The following RBFOX3 variants were observed in gnomAD, a reference collection of about 807,000 sequenced individuals.
The protein encoded by RBFOX3 is RNA binding protein fox-1 homolog 3.
A neutral mutation model predicts 48.7 loss-of-function variants in RBFOX3; 17 were observed. The ratio of observed to expected loss-of-function variants is 0.35; its 90% CI spans 0.24 to 0.52. RBFOX3 has a LOEUF of 0.52. Ranked by LOEUF, RBFOX3 falls within the 20% of genes least tolerant of loss-of-function variation. RBFOX3 has a pLI of 0.94. For missense variants in RBFOX3, 382 were observed against 497.5 expected, an observed-to-expected ratio of 0.77 and a Z score of 2.21; for synonymous variants, 212 against 209.5, an observed-to-expected ratio of 1.01 and a Z score of -0.10.
At chr17:79,437,407 G>C (rs1017698059) in intron 2 of RBFOX3, among the ~76,000 whole-genome samples, 1 of 152,236 alleles carries the variant, frequency 6.6e-6, no homozygotes, top group Non-Finnish European at 1.5e-5. Flanking sequence ...GCCCAGGGAG[G>C]TGCGGGAAAG....
chr17:79,241,319 C>T (rs964168470), intron 3 of RBFOX3, among the ~76,000 whole-genome samples: 13 of 152,020 alleles, frequency 8.6e-5, no homozygotes, highest in African/African-American at 2.4e-4. Flanking sequence ...CGGCCTGTTT[C>T]GCTTTAAGTT....
At position 79,220,874 on chromosome 17, in the gene RBFOX3, G is replaced by T. The variant is rs2059641313; in HGVS notation, c.-34+14892C>A. Among the ~76,000 whole-genome samples, 1 of 152,060 alleles carries T rather than the reference G, an allele frequency of 6.6e-6. No individual in the cohort carries two copies. The highest frequency in any genetic ancestry group is 2.1e-4 in the South Asian group (1 of 4,818). On this transcript the variant is annotated intron_variant, in intron 4 of 14. Coordinates refer to ENST00000693108, the MANE Select transcript of RBFOX3 (RefSeq NM_001350451.2). This position sits in a 1 kb window ranked among gnomAD's most constrained non-coding sequence, Gnocchi z 5.9. The stretch of plus-strand genomic sequence containing the variant: ...TGGAGCGTGGGCCAATCAGAGACGA[G>T]GCGCAGAAGTTGAATGTGCATTGGG...
chr17:79,209,716 G>A (rs1370407192), intron 4 of RBFOX3, among the ~76,000 whole-genome samples: 2 of 152,204 alleles, frequency 1.3e-5, no homozygotes, highest in East Asian at 1.9e-4. Flanking sequence ...GGCGCTGGCC[G>A]GGCGTGGTGG....
intron 2 of RBFOX3, among the ~76,000 whole-genome samples, chr17:79,354,466 C>A (rs144334646): frequency 6.6e-6 from 1 of 152,378 alleles, no homozygotes; most frequent in Non-Finnish European, 1.5e-5. Flanking sequence ...GACACCCCAG[C>A]CCCCGGCATC....
chr17:79,567,955 G>T (rs2092529727), intron 1 of RBFOX3, among the ~76,000 whole-genome samples: 2 of 152,184 alleles, frequency 1.3e-5, no homozygotes, highest in African/African-American at 4.8e-5. Flanking sequence ...TTAAGAGATG[G>T]TTTGCAGACC....
rs1438684350 is a variant in RBFOX3, at chr17:79,249,486, G to T, written c.-73-13681C>A. ...CGAGAGGCAGCAAACAACGGGCTTGGGGTGTGCTTTTTCACCTGCAAACCG... is the reference window on the plus strand; with the variant it reads ...CGAGAGGCAGCAAACAACGGGCTTGTGGTGTGCTTTTTCACCTGCAAACCG... On this transcript the variant is annotated intron_variant, in intron 3 of 14. Coordinates refer to ENST00000693108, the MANE Select transcript of RBFOX3 (RefSeq NM_001350451.2). The surrounding 1 kb of genome is among the most constrained non-coding windows in gnomAD (Gnocchi z 4.1). 6.6e-6 allele frequency among the ~76,000 whole-genome samples: 1 copy of T among 152,064 alleles called. No homozygotes were observed. Among genetic ancestry groups the T allele is most frequent in the African/African-American group, 2.4e-5 (1 of 41,404 alleles).
chr17:79,342,123 T>C (rs1402340014), intron 2 of RBFOX3, among the ~76,000 whole-genome samples: 2 of 152,352 alleles, frequency 1.3e-5, no homozygotes, highest in African/African-American at 4.8e-5. Flanking sequence ...GCAGCTCGTG[T>C]TTAGGGCCTT....
At chr17:79,185,082 T>C (rs1243168185) in intron 4 of RBFOX3, among the ~76,000 whole-genome samples, 1 of 151,264 alleles carries the variant, frequency 6.6e-6, no homozygotes, top group Non-Finnish European at 1.5e-5. Context: ...GGGACCATTC[T>C]CTCAGGTGCC....
intron 2 of RBFOX3, among the ~76,000 whole-genome samples, chr17:79,444,500 C>T (rs2071824476): frequency 6.6e-6 from 1 of 152,084 alleles, no homozygotes; most frequent in African/African-American, 2.4e-5. Context: ...GCCTCTGAGC[C>T]ACAGCTCCAA....
At chr17:79,446,042 A>G (rs1478190355) in intron 2 of RBFOX3, among the ~76,000 whole-genome samples, 3 of 152,168 alleles carry the variant, frequency 2.0e-5, no homozygotes, top group Non-Finnish European at 4.4e-5. Context: ...CGGCCTCCAC[A>G]TGAGAGAATG....
At chr17:79,539,385 T>C (rs190630832) in intron 1 of RBFOX3, among the ~76,000 whole-genome samples, 2 of 152,278 alleles carry the variant, frequency 1.3e-5, no homozygotes, top group East Asian at 3.9e-4. Flanking sequence ...CTGATGTTGG[T>C]GTGGGAATAA....
chr17:79,597,061 G>T (rs2093588951), intron 1 of RBFOX3, among the ~76,000 whole-genome samples: 1 of 152,128 alleles, frequency 6.6e-6, no homozygotes, highest in Non-Finnish European at 1.5e-5. Flanking sequence ...CCTCCTGCTG[G>T]CCACACGTAA....
intron 1 of RBFOX3, chr17:79,599,681 G>C: frequency 6.6e-6 from 1 of 152,248 alleles, no homozygotes; most frequent in Non-Finnish European, 1.5e-5. Context: ...TGGGCTACCT[G>C]GCTGGGGAAA....
chr17:79,529,611 G>T (rs1464734094), intron 1 of RBFOX3, among the ~76,000 whole-genome samples: 1 of 152,222 alleles, frequency 6.6e-6, no homozygotes, highest in East Asian at 1.9e-4. Context: ...GGAAGAGGAT[G>T]CTTGTGTGAG....
intron 1 of RBFOX3, among the ~76,000 whole-genome samples, chr17:79,511,119 C>T (rs1598996856): frequency 6.6e-6 from 1 of 152,166 alleles, no homozygotes; most frequent in African/African-American, 2.4e-5. Context: ...CAAGGTCAAG[C>T]AGAACAACTG....
At chr17:79,280,818 C>A (rs2070239985) in intron 3 of RBFOX3, among the ~76,000 whole-genome samples, 1 of 121,558 alleles carries the variant, frequency 8.2e-6, no homozygotes. Context: ...CAGGAAAGAG[C>A]TGCCAGGCAG....
At chr17:79,282,906 C>A (rs1175311918) in intron 3 of RBFOX3, among the ~76,000 whole-genome samples, 1 of 152,254 alleles carries the variant, frequency 6.6e-6, no homozygotes, top group Non-Finnish European at 1.5e-5. Context: ...ACCTGCAAAG[C>A]AGCAGCATCT....
intron 2 of RBFOX3, among the ~76,000 whole-genome samples, chr17:79,332,159 C>T (rs2080412597): frequency 6.6e-6 from 1 of 152,210 alleles, no homozygotes; most frequent in Admixed American, 6.5e-5. Flanking sequence ...CCTTCTTTCC[C>T]CACACCCCTT....
At chr17:79,538,578 C>CT (rs2089219266) in intron 1 of RBFOX3, among the ~76,000 whole-genome samples, 2 of 152,202 alleles carry the variant, frequency 1.3e-5, no homozygotes, top group Admixed American at 6.5e-5. Flanking sequence ...GGCGGGTGGG[C>CT]TTTGAGAATC....
Sources: allele counts gnomAD v4.1 joint callset (sites outside exome capture counted in the v4.1 genomes callset), GRCh38; gene constraint gnomAD v4.1.1; non-coding constraint Gnocchi (gnomAD v3.1); transcripts MANE v1.5; gene names NCBI Gene and HGNC (gene_info 2026-07-23, HGNC 2026-07-21).